Variants in CCR5AS observed in about 807,000 individuals in gnomAD.
The protein encoded by CCR5AS is CCR5 antisense RNA.
At chr3:46,404,709 C>T (rs1296004940) in intron 1 of CCR5AS, among the ~76,000 whole-genome samples, 1 of 152,142 alleles carries the variant, frequency 6.6e-6, no homozygotes, top group East Asian at 1.9e-4. Context: ...TCTTGCTGTC[C>T]TTCCCTGCTT....
chr3:46,403,733 C>A (rs1702021442), intron 1 of CCR5AS, among the ~76,000 whole-genome samples: 1 of 152,174 alleles, frequency 6.6e-6, no homozygotes, highest in Non-Finnish European at 1.5e-5. Flanking sequence ...TGTGGGCATG[C>A]CTCTGGCGAG....
At chr3:46,383,890 C>T (rs1008993642) in intron 2 of CCR5AS, among the ~76,000 whole-genome samples, 6 of 152,142 alleles carry the variant, frequency 3.9e-5, no homozygotes, top group African/African-American at 1.4e-4. Flanking sequence ...AAGAGAGTCC[C>T]TGTCCTTATG....
At chr3:46,370,051 G>A (rs2227010) in intron 3 of CCR5AS, among the ~76,000 whole-genome samples, 95,560 of 151,920 alleles carry the variant, frequency 0.63, 31,104 homozygotes, top group East Asian at 0.81. Context: ...GTCACCAACC[G>A]CCAAGAGAGC....
In CCR5AS at chr3:46,373,089, A is replaced by T. The variant is rs142829420; in HGVS notation, n.392-1672T>A. On this transcript the variant is annotated intron_variant and non_coding_transcript_variant, in intron 2 of 3. Transcript: ENST00000451485. ...CCTGATAAACTGCAAAAGGCTGAAG[A>T]GCATGACTGACATCTACCTGCTCAA... 8.9e-4 allele frequency: 1,438 copies of T among 1,614,204 alleles called. 2 individuals carry two copies. Among genetic ancestry groups the T allele is most frequent in the Middle Eastern group, 1.8e-3 (11 of 6,062 alleles).
chr3:46,378,796 G>T (rs1701786236), intron 2 of CCR5AS, among the ~76,000 whole-genome samples: 1 of 152,134 alleles, frequency 6.6e-6, no homozygotes, highest in Non-Finnish European at 1.5e-5. Flanking sequence ...TGGAATGAAG[G>T]TTCCAACACC....
exon 4 of CCR5AS, among the ~76,000 whole-genome samples, chr3:46,364,493 G>A (rs959565668): frequency 6.6e-5 from 10 of 152,112 alleles, no homozygotes; most frequent in African/African-American, 1.2e-4. Context: ...GCACCATGTC[G>A]ATCAAGAGCT....
intron 1 of CCR5AS, among the ~76,000 whole-genome samples, chr3:46,401,935 C>T (rs982730828): frequency 6.6e-6 from 1 of 151,972 alleles, no homozygotes; most frequent in Non-Finnish European, 1.5e-5. Context: ...ATGATCAAAA[C>T]ATTTTGGGAA....
chr3:46,391,395 TGTG>T (rs1701912640), intron 2 of CCR5AS, among the ~76,000 whole-genome samples: 1 of 152,202 alleles, frequency 6.6e-6, no homozygotes, highest in Non-Finnish European at 1.5e-5. Context: ...TAAATCCTGT[TGTG>T]GGGTTTGAGG....
intron 3 of CCR5AS, among the ~76,000 whole-genome samples, chr3:46,368,481 AC>A (rs1398910901): frequency 6.6e-6 from 1 of 151,828 alleles, no homozygotes; most frequent in Admixed American, 6.6e-5. Flanking sequence ...CTTGGGCTGA[AC>A]CCCCCTGTCC....
At chr3:46,381,274 T>C (rs1387289811) in intron 2 of CCR5AS, among the ~76,000 whole-genome samples, 1 of 152,214 alleles carries the variant, frequency 6.6e-6, no homozygotes, top group Non-Finnish European at 1.5e-5. Flanking sequence ...TAAAGGATTC[T>C]TCTCCCCCCA....
chr3:46,373,765 C>T (rs534088482), intron 2 of CCR5AS: 140 of 1,613,274 alleles, frequency 8.7e-5, no homozygotes, highest in African/African-American at 1.1e-4. Flanking sequence ...CTTGGGATGA[C>T]GCACTGCTGC....
intron 3 of CCR5AS, among the ~76,000 whole-genome samples, chr3:46,367,319 G>T (rs191025138): frequency 1.1e-4 from 15 of 134,758 alleles, no homozygotes; most frequent in African/African-American, 3.4e-4. Context: ...CACTTATAAA[G>T]AATTTTTTAA....
intron 2 of CCR5AS, among the ~76,000 whole-genome samples, chr3:46,392,047 T>G (rs1443412712): frequency 6.6e-6 from 1 of 152,166 alleles, no homozygotes; most frequent in African/African-American, 2.4e-5. Flanking sequence ...ATTATCTAGA[T>G]CTTGTAGGAT....
chr3:46,397,038 T>C (rs1701966430), intron 1 of CCR5AS, among the ~76,000 whole-genome samples: 1 of 152,322 alleles, frequency 6.6e-6, no homozygotes, highest in South Asian at 2.1e-4. Flanking sequence ...CTCAAGAACC[T>C]GAAAAGCAGA....
chr3:46,394,446 C>T (rs879469723), intron 1 of CCR5AS, among the ~76,000 whole-genome samples: 2 of 152,176 alleles, frequency 1.3e-5, no homozygotes, highest in African/African-American at 2.4e-5. Context: ...TCCACAAGCA[C>T]TCTCTCTTTC....
intron 1 of CCR5AS, among the ~76,000 whole-genome samples, chr3:46,403,158 T>TTA (rs1370617247): frequency 6.6e-6 from 1 of 152,232 alleles, no homozygotes; most frequent in Non-Finnish European, 1.5e-5. Context: ...GCATTTAGGT[T>TTA]TATTCCATGT....
intron 2 of CCR5AS, among the ~76,000 whole-genome samples, chr3:46,382,995 T>C (rs1701828868): frequency 6.6e-6 from 1 of 152,184 alleles, no homozygotes; most frequent in Non-Finnish European, 1.5e-5. Flanking sequence ...ACATAAAAGC[T>C]CTGGTAACAG....
intron 2 of CCR5AS, among the ~76,000 whole-genome samples, chr3:46,377,125 T>A (rs953051050): frequency 5.3e-5 from 8 of 152,298 alleles, no homozygotes; most frequent in Admixed American, 4.6e-4. Context: ...AGGTATCAGC[T>A]TTTGTGGCTG....
intron 1 of CCR5AS, among the ~76,000 whole-genome samples, chr3:46,405,947 C>T (rs1702042550): frequency 6.6e-6 from 1 of 151,666 alleles, no homozygotes; most frequent in African/African-American, 2.4e-5. Flanking sequence ...ATGATCATGG[C>T]TCACCGCAGC....
Sources: gnomAD v4.1 joint callset for allele counts (sites outside exome capture counted in the v4.1 genomes callset) on GRCh38, gnomAD v4.1.1 for gene constraint, MANE v1.5 for transcripts, NCBI Gene and HGNC (gene_info 2026-07-23, HGNC 2026-07-21) for gene names.